Variants in NCAPD3 observed in about 807,000 individuals in gnomAD.
NCAPD3 encodes non-SMC condensin II complex subunit D3.
A neutral mutation model predicts 182.9 loss-of-function variants in NCAPD3; 105 were observed. The observed-to-expected ratio is 0.57, with a 90% confidence interval of 0.49 to 0.68. The LOEUF is 0.68. NCAPD3 is among the 30% of genes least tolerant of loss of function. NCAPD3 has a pLI of 0.00. For missense variants in NCAPD3, 1,944 were observed against 1,837.0 expected, an observed-to-expected ratio of 1.06 and a Z score of -1.07; for synonymous variants, 815 against 679.9, an observed-to-expected ratio of 1.20 and a Z score of -3.09.
intron 13 of NCAPD3, among the ~76,000 whole-genome samples, chr11:134,199,682 G>A (rs1565548598): frequency 6.6e-6 from 1 of 152,154 alleles, no homozygotes; most frequent in Non-Finnish European, 1.5e-5. Context: ...TACGTAAGTG[G>A]AGTTCTAAGC....
Position 134,151,241 on chromosome 11 carries a change from A to C in NCAPD3, c.*1703T>G, listed in dbSNP as rs1410994475. ...TGTGTTGACTTTTTTTAGTTATGTGAAACACTTTGCCGCAGGCCGCCTGGC... is the reference window on the plus strand; with the variant it reads ...TGTGTTGACTTTTTTTAGTTATGTGCAACACTTTGCCGCAGGCCGCCTGGC... On this transcript the variant is annotated 3_prime_UTR_variant, in exon 35 of 35. Coordinates refer to ENST00000534548, the MANE Select transcript of NCAPD3 (RefSeq NM_015261.3). 1 of 152,186 alleles carries C rather than the reference A, an allele frequency of 6.6e-6. No homozygotes were observed. The highest frequency in any genetic ancestry group is 1.5e-5 in the Non-Finnish European group (1 of 68,066). 9.4% of individuals were successfully genotyped at this position (152,186 alleles called of 1,614,324 possible). A position where few individuals can be genotyped will look rare whatever the true frequency, so the allele number is the denominator to read the frequency against.
chr11:134,158,017 A>G lies in NCAPD3; in HGVS notation c.4085T>C (p.Val1362Ala). ...IAILNSVKKAVESKSRHRSRS... is the reference protein window; with the variant it reads ...IAILNSVKKAAESKSRHRSRS... Reference sequence around the variant, plus strand: ...ACTCCGATGCCTGCTCTTTGACTCCACGGCTTTCTTGACAGAATTCAGGAT... The same window carrying G: ...ACTCCGATGCCTGCTCTTTGACTCCGCGGCTTTCTTGACAGAATTCAGGAT... The change falls in exon 31 of 35, where the codon GTG (valine) becomes GCG (alanine). Residue 1362 changes from valine (V) to alanine (A), a missense_variant. By Grantham distance (64) the Val-to-Ala change is moderately conservative (BLOSUM62 0). Coordinates refer to ENST00000534548, the MANE Select transcript of NCAPD3 (RefSeq NM_015261.3). 1.9e-6 allele frequency: 3 copies of G among 1,614,144 alleles called. No homozygotes were observed. Among genetic ancestry groups the G allele is most frequent in the Non-Finnish European group, 2.5e-6 (3 of 1,180,014 alleles).
chr11:134,171,287 T>A (rs1006772870), intron 24 of NCAPD3, among the ~76,000 whole-genome samples: 8 of 152,172 alleles, frequency 5.3e-5, no homozygotes, highest in Non-Finnish European at 8.8e-5. Context: ...ATCTGAGTGA[T>A]TACCTTATTA....
In NCAPD3 at chr11:134,185,257, A is replaced by G. The variant is rs987829826; in HGVS notation, c.2237+78T>C. On this transcript the variant is annotated intron_variant, in intron 17 of 34. Transcript: ENST00000534548. ...TCTCTGTATATGAATAGCTATGAAAAAGCTCACTTCCTTAAGTCTTGGGCT... is the reference window on the plus strand; with the variant it reads ...TCTCTGTATATGAATAGCTATGAAAGAGCTCACTTCCTTAAGTCTTGGGCT... 6.1e-6 allele frequency: 8 copies of G among 1,309,130 alleles called. No individual in the cohort carries two copies. In the African/African-American group the frequency reaches 1.2e-4, roughly 20 times the overall value. The allele number at this position is 1,309,130 out of a possible 1,614,324, so 81.1% of individuals were successfully genotyped here.
Position 134,151,257 on chromosome 11 carries a change from G to A in NCAPD3, c.*1687C>T, listed in dbSNP as rs545074337. 2.6e-5 allele frequency: 4 copies of A among 152,186 alleles called. No homozygotes were observed. The highest frequency in any genetic ancestry group is 5.9e-5 in the Non-Finnish European group (4 of 68,062). 9.4% of individuals were successfully genotyped at this position (152,186 alleles called of 1,614,324 possible). A position where few individuals can be genotyped will look rare whatever the true frequency, so the allele number is the denominator to read the frequency against. On this transcript the variant is annotated 3_prime_UTR_variant, in exon 35 of 35. Coordinates refer to ENST00000534548, the MANE Select transcript of NCAPD3 (RefSeq NM_015261.3). ...AGTTATGTGAAACACTTTGCCGCAGGCCGCCTGGCAGAGGCAGGAAATGCT... is the reference window on the plus strand; with the variant it reads ...AGTTATGTGAAACACTTTGCCGCAGACCGCCTGGCAGAGGCAGGAAATGCT...
upstream of NCAPD3, chr11:134,225,370 C>A (rs1938430857): frequency 1.2e-6 from 2 of 1,610,258 alleles, no homozygotes; most frequent in South Asian, 1.1e-5. Flanking sequence ...GGGACCCCCT[C>A]CCCCAGCGCC....
intron 16 of NCAPD3, among the ~76,000 whole-genome samples, chr11:134,186,692 G>A (rs528928980): frequency 3.9e-5 from 6 of 152,144 alleles, no homozygotes; most frequent in Admixed American, 1.3e-4. Context: ...ACCCACACGC[G>A]AACATCAGGA....
At chr11:134,200,337 A>G (rs991089916) in intron 13 of NCAPD3, among the ~76,000 whole-genome samples, 2 of 152,228 alleles carry the variant, frequency 1.3e-5, no homozygotes, top group East Asian at 1.9e-4. Flanking sequence ...TAAAAATCAT[A>G]TATCTGATAA....
rs759748301 is a variant in NCAPD3, at chr11:134,176,289, C to G, written c.3101+18G>C. ...TGAGGTAAACTGTTGAGTCGTCTGA[C>G]GTGAGGAAAAGATTTACCTGGCAAT... On this transcript the variant is annotated intron_variant, in intron 24 of 34. Transcript: ENST00000534548. The G allele has an allele frequency of 6.2e-7, 1 of 1,606,658 alleles. No individual in the cohort carries two copies. The highest frequency in any genetic ancestry group is 8.5e-7 in the Non-Finnish European group (1 of 1,173,236).
At chr11:134,209,123 A>T in intron 6 of NCAPD3, 22 bp downstream of exon 6, 1 of 1,606,246 alleles carries the variant, frequency 6.2e-7, no homozygotes, top group Non-Finnish European at 8.5e-7. Context: ...AAATTGTAGC[A>T]CTGGAAGATT....
At chr11:134,196,372 G>A (rs151183945) in intron 13 of NCAPD3, among the ~76,000 whole-genome samples, 35 of 152,192 alleles carry the variant, frequency 2.3e-4, no homozygotes, top group South Asian at 1.5e-3. Flanking sequence ...GGCCAGGCGC[G>A]GTGGCTCACG....
intron 27 of NCAPD3, among the ~76,000 whole-genome samples, chr11:134,165,274 C>G (rs1214439028): frequency 7.1e-6 from 1 of 141,006 alleles, no homozygotes; most frequent in Non-Finnish European, 1.5e-5. Context: ...GGGAGCTGCA[C>G]ACTCGCTTGT....
At chr11:134,165,622 T>G (rs1488767632) in intron 27 of NCAPD3, among the ~76,000 whole-genome samples, 2 of 124,162 alleles carry the variant, frequency 1.6e-5, no homozygotes, top group South Asian at 3.0e-4. Flanking sequence ...CGCACACTCG[T>G]GAGATGAGCT....
intron 28 of NCAPD3, among the ~76,000 whole-genome samples, chr11:134,160,312 G>A (rs1380351521): frequency 1.3e-5 from 2 of 152,112 alleles, no homozygotes; most frequent in Admixed American, 6.6e-5. Flanking sequence ...GTAACTAACA[G>A]GTACAATGGT....
At chr11:134,212,372 G>GTT (rs759637583) in intron 3 of NCAPD3, among the ~76,000 whole-genome samples, 74 of 98,370 alleles carry the variant, frequency 7.5e-4, no homozygotes, top group Non-Finnish European at 1.3e-3. Context: ...ACTTTTTGTT[G>GTT]TTTTGTGTGT....
At chr11:134,208,821 T>A (rs1212718607) in intron 7 of NCAPD3, 43 bp downstream of exon 7, 8 of 1,359,828 alleles carry the variant, frequency 5.9e-6, no homozygotes, top group Non-Finnish European at 8.4e-6. Context: ...TTCATGTGCC[T>A]TCGATTCAAC....
Position 134,168,456 on chromosome 11 carries a change from A to G in NCAPD3, c.3373+13T>C. Reference sequence around the variant, plus strand: ...CAAACACACACATTTTCTCCCACACACACTGGGCTTACCCAAAATACTAAG... The same window carrying G: ...CAAACACACACATTTTCTCCCACACGCACTGGGCTTACCCAAAATACTAAG... On this transcript the variant is annotated intron_variant, in intron 26 of 34. Coordinates refer to ENST00000534548, the MANE Select transcript of NCAPD3 (RefSeq NM_015261.3). 6.2e-7 allele frequency: 1 copy of G among 1,613,948 alleles called. No individual in the cohort carries two copies. The highest frequency in any genetic ancestry group is 2.2e-5 in the East Asian group (1 of 44,880).
intron 16 of NCAPD3, among the ~76,000 whole-genome samples, chr11:134,187,593 GGCT>G (rs973677489): frequency 6.6e-6 from 1 of 152,120 alleles, no homozygotes; most frequent in Non-Finnish European, 1.5e-5. Context: ...TTACTACTCT[GGCT>G]GCTGAATTCC....
chr11:134,161,156 A>C (rs1943567004), intron 28 of NCAPD3, among the ~76,000 whole-genome samples: 1 of 152,134 alleles, frequency 6.6e-6, no homozygotes, highest in African/African-American at 2.4e-5. Flanking sequence ...AAAAACACAT[A>C]ATGTGAACAG....
Sources: allele counts gnomAD v4.1 joint callset (sites outside exome capture counted in the v4.1 genomes callset), GRCh38; gene constraint gnomAD v4.1.1; transcripts MANE v1.5; gene names NCBI Gene and HGNC (gene_info 2026-07-23, HGNC 2026-07-21).